Variants in LTBP1 observed in about 807,000 individuals in gnomAD.
The protein encoded by LTBP1 is latent transforming growth factor beta binding protein 1.
LTBP1 carries 129 observed loss-of-function variants against 207.6 expected under a neutral mutation model. That is an observed-to-expected ratio of 0.62 (90% CI 0.54 to 0.72). The LOEUF is 0.72. Among genes scored for constraint, LTBP1 ranks in the 30% least tolerant of loss-of-function variants. The pLI is 0.00. For missense variants in LTBP1, 2,281 were observed against 2,217.2 expected (o/e 1.03, Z -0.58); for synonymous variants, 963 against 833.7 (o/e 1.16, Z -2.67).
At chr2:33,142,182 G>T (rs951771730) in intron 5 of LTBP1, among the ~76,000 whole-genome samples, 2 of 152,024 alleles carry the variant, frequency 1.3e-5, no homozygotes, top group African/African-American at 4.8e-5. Flanking sequence ...CTCCCGAGCA[G>T]CTGGGATCAC....
chr2:33,218,169 A>G (rs898462902), intron 8 of LTBP1, among the ~76,000 whole-genome samples: 1 of 152,230 alleles, frequency 6.6e-6, no homozygotes. Context: ...TATAATCACT[A>G]GGACACAATT....
rs774140408 is a variant in LTBP1, at chr2:33,342,842, T to C, written c.3735T>C (p.Ile1245=). 13 of 1,613,474 alleles carry C rather than the reference T, an allele frequency of 8.1e-6. No homozygotes were observed. The Admixed American group carries it at 2.2e-4, about 27-fold the overall frequency. ...TGTTCCATGTCTTTTTTGCAGATAT[T>C]GATGAATGTGTAAACAACACTGTTT... The part of the protein sequence containing the change: ...ISADGRTCED[I]DECVNNTVCD... Residue 1245 remains isoleucine (I), a synonymous_variant, in exon 25 of 34, where the codon ATT becomes ATC. Transcript: ENST00000404816.
chr2:33,289,385 A>T (rs2093729842), intron 19 of LTBP1, among the ~76,000 whole-genome samples: 1 of 152,092 alleles, frequency 6.6e-6, no homozygotes, highest in South Asian at 2.1e-4. Flanking sequence ...TATTTTTTAA[A>T]GTGTCAAGGT....
intron 5 of LTBP1, among the ~76,000 whole-genome samples, chr2:33,170,561 G>A (rs997196868): frequency 1.3e-5 from 2 of 152,222 alleles, no homozygotes; most frequent in African/African-American, 4.8e-5. Context: ...TGCCTCTGTA[G>A]GCTCCACCTC....
At chr2:33,369,635 G>A (rs576689513) in intron 31 of LTBP1, among the ~76,000 whole-genome samples, 1 of 152,140 alleles carries the variant, frequency 6.6e-6, no homozygotes, top group African/African-American at 2.4e-5. Context: ...TCAGCTCAGC[G>A]CAACCTCCAC....
At chr2:33,147,832 G>A (rs533167224) in intron 5 of LTBP1, among the ~76,000 whole-genome samples, 1 of 152,316 alleles carries the variant, frequency 6.6e-6, no homozygotes, top group East Asian at 1.9e-4. Flanking sequence ...AGGGGATGGT[G>A]AGAAAGTGTT....
chr2:33,017,970 TC>T (rs1688623165), intron 2 of LTBP1, among the ~76,000 whole-genome samples: 1 of 152,122 alleles, frequency 6.6e-6, no homozygotes. Context: ...CCTCCTCATC[TC>T]CGTGCTCTAG....
At chr2:33,122,719 T>C (rs908373601) in intron 4 of LTBP1, among the ~76,000 whole-genome samples, 1 of 152,244 alleles carries the variant, frequency 6.6e-6, no homozygotes, top group Admixed American at 6.5e-5. Flanking sequence ...GGGCAGCATA[T>C]AGTGGGGTTG....
chr2:33,353,859 C>CATTTTT (rs777108878), intron 26 of LTBP1, among the ~76,000 whole-genome samples: 2 of 113,114 alleles, frequency 1.8e-5, no homozygotes, highest in Admixed American at 8.8e-5. Context: ...TGCATGTACG[C>CATTTTT]CTTTTTTTTT....
chr2:32,949,747 A>T (rs1024548619), intron 2 of LTBP1, among the ~76,000 whole-genome samples: 2 of 152,220 alleles, frequency 1.3e-5, no homozygotes, highest in Non-Finnish European at 2.9e-5. Context: ...AGGCATTCCC[A>T]TGTGGATTGG....
intron 2 of LTBP1, among the ~76,000 whole-genome samples, chr2:32,990,523 T>C (rs187493886): frequency 1.3e-5 from 2 of 152,348 alleles, no homozygotes; most frequent in Admixed American, 6.5e-5. Flanking sequence ...TATTATTCTT[T>C]AGTATTTACT....
intron 33 of LTBP1, among the ~76,000 whole-genome samples, chr2:33,397,757 C>G (rs571219949): frequency 6.7e-6 from 1 of 150,088 alleles, no homozygotes; most frequent in African/African-American, 2.5e-5. Context: ...CTCCTGACCT[C>G]GTGATCCGCC....
At chr2:33,249,852 G>C (rs567891534) in intron 10 of LTBP1, among the ~76,000 whole-genome samples, 1 of 152,230 alleles carries the variant, frequency 6.6e-6, no homozygotes, top group South Asian at 2.1e-4. Context: ...TCACTCCTCA[G>C]TTTTATTCGA....
In LTBP1 at chr2:33,005,128, TG is replaced by T. The variant is rs537870445; in HGVS notation, c.566-15780del. 5.0e-3 allele frequency among the ~76,000 whole-genome samples: 759 copies of T among 152,164 alleles called. 4 individuals carry two copies. Among genetic ancestry groups the T allele is most frequent in the Non-Finnish European group, 8.9e-3 (607 of 68,000 alleles). Reference sequence around the variant, plus strand: ...AATTAGCAGAAGCCCTGGAATGAAGTGAAGTGACTCTTTGGGAAGATTCAGT... The same window carrying T: ...AATTAGCAGAAGCCCTGGAATGAAGTAAGTGACTCTTTGGGAAGATTCAGT... On this transcript the variant is annotated intron_variant, in intron 2 of 33. Transcript: ENST00000404816.
chr2:33,013,371 A>C (rs564871057), intron 2 of LTBP1, among the ~76,000 whole-genome samples: 2 of 151,876 alleles, frequency 1.3e-5, no homozygotes, highest in Admixed American at 6.6e-5. Flanking sequence ...CTCTGTCTAA[A>C]TTATCTATTT....
intron 2 of LTBP1, among the ~76,000 whole-genome samples, chr2:32,989,976 G>A (rs745470216): frequency 1.3e-5 from 2 of 152,138 alleles, no homozygotes; most frequent in Non-Finnish European, 2.9e-5. Flanking sequence ...GCAAATAATA[G>A]CACCTGTAAT....
intron 3 of LTBP1, among the ~76,000 whole-genome samples, chr2:33,044,212 C>A (rs1419214729): frequency 6.6e-6 from 1 of 151,772 alleles, no homozygotes; most frequent in East Asian, 1.9e-4. Context: ...TTTGCTGCAC[C>A]CATCAACCTG....
intron 3 of LTBP1, among the ~76,000 whole-genome samples, chr2:33,047,794 G>T (rs1337844955): frequency 1.3e-5 from 2 of 152,158 alleles, no homozygotes; most frequent in Non-Finnish European, 2.9e-5. Context: ...GAATCTGGGT[G>T]CTCCTGTATT....
intron 5 of LTBP1, among the ~76,000 whole-genome samples, chr2:33,138,985 A>G (rs561132722): frequency 6.7e-6 from 1 of 148,460 alleles, no homozygotes; most frequent in Admixed American, 6.8e-5. Context: ...CAGCCTCCCG[A>G]GTAGCTGGGA....
Sources: gnomAD v4.1 joint callset for allele counts (sites outside exome capture counted in the v4.1 genomes callset) on GRCh38, gnomAD v4.1.1 for gene constraint, MANE v1.5 for transcripts, NCBI Gene and HGNC (gene_info 2026-07-23, HGNC 2026-07-21) for gene names.